ASAP1: variants seen among roughly 807,000 people sequenced by gnomAD.
ASAP1 encodes the protein ArfGAP with SH3 domain, ankyrin repeat and PH domain 1.
A neutral mutation model predicts 145.2 loss-of-function variants in ASAP1; 43 were observed. That is an observed-to-expected ratio of 0.30 (90% CI 0.23 to 0.38). The LOEUF is 0.38. Among genes scored for constraint, ASAP1 ranks in the 10% least tolerant of loss-of-function variants. ASAP1 has a pLI of 1.00. For synonymous variants in ASAP1, 546 were observed against 515.5 expected (o/e 1.06, Z -0.80); for missense variants, 1,018 against 1,355.3 (o/e 0.75, Z 3.91).
At chr8:130,167,218 T>C (rs1439762994) in intron 11 of ASAP1, among the ~76,000 whole-genome samples, 6 of 151,692 alleles carry the variant, frequency 4.0e-5, no homozygotes, top group Admixed American at 6.6e-5. Flanking sequence ...GTGGAATGGT[T>C]GAGGTCAAGG....
chr8:130,436,608 G>C (rs1417455433), intron 1 of ASAP1, among the ~76,000 whole-genome samples: 3 of 152,176 alleles, frequency 2.0e-5, no homozygotes, highest in African/African-American at 7.2e-5. Flanking sequence ...AGTGCACCTG[G>C]CCATTGAAGC....
At chr8:130,424,302 A>T (rs1290930594) in intron 1 of ASAP1, among the ~76,000 whole-genome samples, 2 of 152,182 alleles carry the variant, frequency 1.3e-5, no homozygotes, top group Non-Finnish European at 2.9e-5. Context: ...CCAGCCCAGG[A>T]GGACTCCGGC....
At chr8:130,315,160 G>A (rs1823591493) in intron 3 of ASAP1, among the ~76,000 whole-genome samples, 1 of 152,156 alleles carries the variant, frequency 6.6e-6, no homozygotes, top group African/African-American at 2.4e-5. Flanking sequence ...TATCAATTGG[G>A]CAGGGAGAGT....
intron 24 of ASAP1, among the ~76,000 whole-genome samples, chr8:130,092,938 T>TAAAA (rs35191776): frequency 2.2e-5 from 3 of 137,332 alleles, no homozygotes; most frequent in Admixed American, 7.3e-5. Context: ...ACGCTTTTCT[T>TAAAA]AAAAAAAAAA....
intron 3 of ASAP1, among the ~76,000 whole-genome samples, chr8:130,240,982 A>G (rs2136711838): frequency 6.6e-6 from 1 of 152,238 alleles, no homozygotes; most frequent in East Asian, 1.9e-4. Context: ...AAACCAGACC[A>G]TAAGGACAGA....
intron 2 of ASAP1, among the ~76,000 whole-genome samples, chr8:130,379,179 G>A (rs1418343209): frequency 2.0e-5 from 3 of 152,136 alleles, no homozygotes; most frequent in Admixed American, 6.5e-5. Flanking sequence ...TCTAGTGGGT[G>A]AGCACAGCCA....
At chr8:130,145,888 G>A (rs938720008) in intron 13 of ASAP1, among the ~76,000 whole-genome samples, 1 of 150,914 alleles carries the variant, frequency 6.6e-6, no homozygotes, top group African/African-American at 2.4e-5. Context: ...GTCGCCCAGG[G>A]TGGGGTACGG....
At chr8:130,131,603 GAAAAAAAA>G (rs1159191172) in intron 15 of ASAP1, among the ~76,000 whole-genome samples, 54 of 63,098 alleles carry the variant, frequency 8.6e-4, no homozygotes, top group South Asian at 1.8e-3. Flanking sequence ...CATGGCTACT[GAAAAAAAA>G]AAAAAAAAAA....
chr8:130,317,893 G>C (rs549604123), intron 3 of ASAP1, among the ~76,000 whole-genome samples: 1 of 152,206 alleles, frequency 6.6e-6, no homozygotes, highest in African/African-American at 2.4e-5. Flanking sequence ...TGAGGAGGAG[G>C]GAGTGGAGAG....
intron 3 of ASAP1, among the ~76,000 whole-genome samples, chr8:130,339,017 T>C (rs1052744960): frequency 3.3e-5 from 5 of 152,106 alleles, no homozygotes; most frequent in African/African-American, 1.2e-4. Context: ...ACCTAAGAAG[T>C]GCAGCAGTCA....
At chr8:130,328,008 C>T (rs866160947) in intron 3 of ASAP1, among the ~76,000 whole-genome samples, 23 of 151,952 alleles carry the variant, frequency 1.5e-4, no homozygotes, top group African/African-American at 5.3e-4. Flanking sequence ...CAGGATCCCA[C>T]TTTTGCAAAA....
At chr8:130,297,209 T>C (rs1052537467) in intron 3 of ASAP1, among the ~76,000 whole-genome samples, 2 of 152,202 alleles carry the variant, frequency 1.3e-5, no homozygotes, top group African/African-American at 2.4e-5. Context: ...TGAAGTCTAA[T>C]TGTGGTTGTC....
rs1415557125 is a variant in ASAP1, at chr8:130,212,833, G to A, written c.405+1723C>T. Among the ~76,000 whole-genome samples, 4 of 152,194 alleles carry A rather than the reference G, an allele frequency of 2.6e-5. 1 individual carries two copies. The highest frequency in any genetic ancestry group is 4.1e-4 in the South Asian group (2 of 4,834). On this transcript the variant is annotated intron_variant, in intron 5 of 29. Transcript: ENST00000518721. The stretch of plus-strand genomic sequence containing the variant: ...AAAGGAACCTGCAGCGTAGCAAACC[G>A]TAGAGATGAGATTGGTCCAGGAACC...
intron 25 of ASAP1, among the ~76,000 whole-genome samples, chr8:130,086,450 C>T (rs2097493349): frequency 1.3e-5 from 2 of 152,104 alleles, no homozygotes; most frequent in Non-Finnish European, 2.9e-5. Flanking sequence ...GTTTTTTATC[C>T]GAAGATTCTA....
At chr8:130,157,907 T>C (rs986646132) in intron 12 of ASAP1, among the ~76,000 whole-genome samples, 3 of 152,132 alleles carry the variant, frequency 2.0e-5, no homozygotes, top group African/African-American at 4.8e-5. Context: ...CTACCATATA[T>C]TGAGTATTTT....
In ASAP1 at chr8:130,118,120, G is replaced by T. The variant is rs113509020; in HGVS notation, c.1880+41C>A. ...AGGACTGGTTTGTGTTAATTTATAA[G>T]GCATATTCAGGTAATTCAACAGAGA... On this transcript the variant is annotated intron_variant, in intron 20 of 29. Transcript: ENST00000518721. 1.2e-3 allele frequency: 1,865 copies of T among 1,539,074 alleles called. 24 individuals are homozygous for T. The African/African-American group carries it at 0.022, about 18-fold the overall frequency.
chr8:130,088,562 G>C (rs1014320031), intron 25 of ASAP1, among the ~76,000 whole-genome samples: 7 of 152,194 alleles, frequency 4.6e-5, no homozygotes, highest in Non-Finnish European at 1.0e-4. Context: ...ACCAGAAGCT[G>C]AGAGAGGCAA....
Position 130,053,387 on chromosome 8 carries a change from A to T in ASAP1, c.*1344T>A, listed in dbSNP as rs1316563306. 3 of 152,222 alleles carry T rather than the reference A, an allele frequency of 2.0e-5. No individual in the cohort carries two copies. In the East Asian group the frequency reaches 5.8e-4, roughly 29 times the overall value. 9.4% of individuals were successfully genotyped at this position (152,222 alleles called of 1,614,324 possible). ...CTTTTCCAAAATTCAGACTGATGTA[A>T]AAGACTGAAATACAATGTTCTTAAG... is the stretch of plus-strand genomic sequence containing the variant. On this transcript the variant is annotated 3_prime_UTR_variant, in exon 30 of 30. Coordinates refer to ENST00000518721, the MANE Select transcript of ASAP1 (RefSeq NM_018482.4).
chr8:130,286,681 C>T (rs1821634083), intron 3 of ASAP1, among the ~76,000 whole-genome samples: 1 of 152,158 alleles, frequency 6.6e-6, no homozygotes, highest in Admixed American at 6.5e-5. Flanking sequence ...GGTTACCCAT[C>T]ATCATCTTCA....
Sources: gnomAD v4.1 joint callset for allele counts (sites outside exome capture counted in the v4.1 genomes callset) on GRCh38, gnomAD v4.1.1 for gene constraint, MANE v1.5 for transcripts, NCBI Gene and HGNC (gene_info 2026-07-23, HGNC 2026-07-21) for gene names.